Variants in HDAC9 observed in about 807,000 individuals in gnomAD.
HDAC9 encodes MEF-2 interacting transcription repressor (MITR) protein.
HDAC9 carries 41 observed loss-of-function variants against 139.4 expected under a neutral mutation model. That is an observed-to-expected ratio of 0.29 (90% CI 0.23 to 0.38). The LOEUF is 0.38. HDAC9 is among the 10% of genes least tolerant of loss of function. The pLI, the probability that HDAC9 is intolerant of heterozygous loss-of-function variation, is 1.00. For synonymous variants in HDAC9, 517 were observed against 476.2 expected (o/e 1.09, Z -1.12); for missense variants, 1,147 against 1,297.0 (o/e 0.88, Z 1.78).
intron 23 of HDAC9, among the ~76,000 whole-genome samples, chr7:18,941,362 A>G (rs1782016228): frequency 6.6e-6 from 1 of 152,086 alleles, no homozygotes. Flanking sequence ...GTTGGTTGAT[A>G]ATCTTTTAAA....
At chr7:18,627,572 G>T (rs1938823379) in intron 6 of HDAC9, among the ~76,000 whole-genome samples, 2 of 152,150 alleles carry the variant, frequency 1.3e-5, no homozygotes, top group African/African-American at 2.4e-5. Flanking sequence ...TTATTCCTGG[G>T]TAAGTTGGGG....
intron 6 of HDAC9, among the ~76,000 whole-genome samples, chr7:18,625,946 CAAAAAAAAAAAAAAA>C (rs11312304): frequency 2.8e-4 from 17 of 60,980 alleles, no homozygotes; most frequent in East Asian, 1.3e-3. Context: ...GACTCCATCT[CAAAAAAAAAAAAAAA>C]AAAAAAAAAA....
At chr7:18,822,174 G>A (rs2588631) in intron 17 of HDAC9, among the ~76,000 whole-genome samples, 2,325 of 152,212 alleles carry the variant, frequency 0.015, 68 homozygotes, top group African/African-American at 0.053. Context: ...CCCAGAGGTT[G>A]GGCTGTGGGG....
At chr7:18,830,011 A>G (rs1795743962) in intron 19 of HDAC9, among the ~76,000 whole-genome samples, 1 of 152,166 alleles carries the variant, frequency 6.6e-6, no homozygotes, top group Non-Finnish European at 1.5e-5. Context: ...TACTGAAAAG[A>G]TCTCCAATCT....
intron 22 of HDAC9, among the ~76,000 whole-genome samples, chr7:18,887,605 A>G (rs1489592484): frequency 1.3e-5 from 2 of 152,262 alleles, no homozygotes; most frequent in African/African-American, 4.8e-5. Context: ...TATAAATGAT[A>G]TCATCCCCAC....
At chr7:18,887,459 T>G (rs2129264656) in intron 22 of HDAC9, among the ~76,000 whole-genome samples, 1 of 152,324 alleles carries the variant, frequency 6.6e-6, no homozygotes, top group African/African-American at 2.4e-5. Context: ...TGTGTCTTGA[T>G]GTTCTTTTTA....
intron 1 of HDAC9, among the ~76,000 whole-genome samples, chr7:18,393,116 A>AT (rs1216619869): frequency 2.5e-5 from 3 of 122,304 alleles, no homozygotes; most frequent in Non-Finnish European, 3.7e-5. Flanking sequence ...AAAAATTTAG[A>AT]TAAAATGGAT....
At chr7:18,652,256 T>G (rs2285438) in intron 11 of HDAC9, among the ~76,000 whole-genome samples, 4,504 of 152,206 alleles carry the variant, frequency 0.03, 93 homozygotes, top group East Asian at 0.09. Flanking sequence ...CAGTACACCT[T>G]GCTTTTCTGA....
chr7:18,271,428 C>T (rs1279526013), intron 2 of HDAC9, among the ~76,000 whole-genome samples: 1 of 152,140 alleles, frequency 6.6e-6, no homozygotes. Context: ...CAGTTTTCCT[C>T]CTCACCATGG....
intron 17 of HDAC9, among the ~76,000 whole-genome samples, chr7:18,814,497 G>C (rs2520355): frequency 2.0e-5 from 3 of 151,858 alleles, no homozygotes; most frequent in Admixed American, 6.6e-5. Flanking sequence ...CCAGTGTTCA[G>C]ATTGTACATA....
chr7:18,890,728 A>G (rs1800608563), intron 22 of HDAC9, among the ~76,000 whole-genome samples: 1 of 152,214 alleles, frequency 6.6e-6, no homozygotes, highest in South Asian at 2.1e-4. Flanking sequence ...TTTTAAACTA[A>G]AAAGGAAATT....
chr7:18,704,547 A>G (rs1783739247), intron 12 of HDAC9, among the ~76,000 whole-genome samples: 1 of 152,222 alleles, frequency 6.6e-6, no homozygotes, highest in South Asian at 2.1e-4. Context: ...ACAAATGGAC[A>G]TTCTCAAATG....
intron 23 of HDAC9, among the ~76,000 whole-genome samples, chr7:18,938,388 G>A (rs928971050): frequency 6.6e-6 from 1 of 152,080 alleles, no homozygotes. Flanking sequence ...GAGGTCATGA[G>A]ATCAAGACCA....
chr7:18,523,317 C>T (rs372540347), intron 2 of HDAC9, among the ~76,000 whole-genome samples: 3 of 152,280 alleles, frequency 2.0e-5, no homozygotes, highest in African/African-American at 7.2e-5. Flanking sequence ...GTGTAATTAT[C>T]ACATAACCTC....
At chr7:18,402,206 C>T (rs189655658) in intron 1 of HDAC9, among the ~76,000 whole-genome samples, 1 of 152,148 alleles carries the variant, frequency 6.6e-6, no homozygotes, top group East Asian at 1.9e-4. Flanking sequence ...GTAGTCTAAC[C>T]AGAAGTAGGA....
chr7:18,274,134 C>T (rs539836772), intron 2 of HDAC9, among the ~76,000 whole-genome samples: 88 of 152,146 alleles, frequency 5.8e-4, no homozygotes, highest in African/African-American at 1.8e-3. Context: ...AATATTTATT[C>T]GGGATTGTTC....
At chr7:18,828,391 G>C (rs989240314) in intron 17 of HDAC9, among the ~76,000 whole-genome samples, 1 of 152,202 alleles carries the variant, frequency 6.6e-6, no homozygotes, top group South Asian at 2.1e-4. Flanking sequence ...AGGATTTATA[G>C]TTCCCTGCCT....
intron 1 of HDAC9, among the ~76,000 whole-genome samples, chr7:18,134,860 T>G (rs944666098): frequency 6.6e-6 from 1 of 152,180 alleles, no homozygotes; most frequent in Admixed American, 6.6e-5. Context: ...GTTTTCAAAG[T>G]GGAATTCATT....
At chr7:18,838,867 T>A (rs1021665742) in intron 21 of HDAC9, among the ~76,000 whole-genome samples, 5 of 152,048 alleles carry the variant, frequency 3.3e-5, no homozygotes, top group Non-Finnish European at 7.4e-5. Context: ...GTAAGATCGC[T>A]GCTTATTTTA....
Sources: gnomAD v4.1 joint callset for allele counts (sites outside exome capture counted in the v4.1 genomes callset) on GRCh38, gnomAD v4.1.1 for gene constraint, MANE v1.5 for transcripts, NCBI Gene and HGNC (gene_info 2026-07-23, HGNC 2026-07-21) for gene names.